NCKAP5: variants seen among roughly 807,000 people sequenced by gnomAD.
NCKAP5 encodes nck-associated protein 5.
A neutral mutation model predicts 167.0 loss-of-function variants in NCKAP5; 92 were observed. The ratio of observed to expected loss-of-function variants is 0.55; its 90% CI spans 0.47 to 0.66. The LOEUF is 0.66. NCKAP5 is among the 30% of genes least tolerant of loss of function. NCKAP5 has a pLI of 0.00. For synonymous variants in NCKAP5, 891 were observed against 877.4 expected, an observed-to-expected ratio of 1.02 and a Z score of -0.27; for missense variants, 2,378 against 2,315.0, an observed-to-expected ratio of 1.03 and a Z score of -0.56.
At chr2:133,476,468 C>T (rs967383016) in intron 3 of NCKAP5, among the ~76,000 whole-genome samples, 10 of 152,180 alleles carry the variant, frequency 6.6e-5, no homozygotes, top group Admixed American at 2.6e-4. Context: ...TTAAAGCTGC[C>T]GATTCTGCTG....
chr2:133,354,454 C>A (rs1684575005), intron 3 of NCKAP5, among the ~76,000 whole-genome samples: 1 of 151,996 alleles, frequency 6.6e-6, no homozygotes, highest in South Asian at 2.1e-4. Context: ...TACAGGGTTC[C>A]CTGTTGTTAT....
the NCKAP5 span, among the ~76,000 whole-genome samples, chr2:133,654,397 T>G: frequency 4.8e-4 from 73 of 151,338 alleles, no homozygotes; most frequent in African/African-American, 1.4e-3. Context: ...AATAAATAAA[T>G]AAATAAATAA....
chr2:133,287,645 C>A (rs1219145192), intron 4 of NCKAP5, among the ~76,000 whole-genome samples: 1 of 152,146 alleles, frequency 6.6e-6, no homozygotes, highest in Non-Finnish European at 1.5e-5. Context: ...TTTGTAGAGT[C>A]AATACTAAGG....
intron 3 of NCKAP5, among the ~76,000 whole-genome samples, chr2:133,331,396 C>G (rs1682845821): frequency 6.6e-6 from 1 of 152,152 alleles, no homozygotes; most frequent in Non-Finnish European, 1.5e-5. Context: ...TGTCAATTAG[C>G]ATTTTCATCT....
intron 3 of NCKAP5, among the ~76,000 whole-genome samples, chr2:133,483,255 G>C (rs1041384123): frequency 2.0e-5 from 3 of 152,110 alleles, no homozygotes; most frequent in African/African-American, 4.8e-5. Flanking sequence ...TGGTGCATCT[G>C]GTCCTTGTTA....
intron 6 of NCKAP5, among the ~76,000 whole-genome samples, chr2:133,061,548 A>G (rs1280143436): frequency 6.6e-6 from 1 of 152,216 alleles, no homozygotes; most frequent in Non-Finnish European, 1.5e-5. Context: ...CTGAGATTCA[A>G]AGAAGGGAGT....
At chr2:132,932,375 T>C (rs554732525) in intron 8 of NCKAP5, among the ~76,000 whole-genome samples, 1 of 152,184 alleles carries the variant, frequency 6.6e-6, no homozygotes, top group South Asian at 2.1e-4. Flanking sequence ...TAGCGAAAGT[T>C]CCCCTAATTG....
chr2:132,998,808 G>A (rs1169425780), intron 6 of NCKAP5, among the ~76,000 whole-genome samples: 3 of 152,086 alleles, frequency 2.0e-5, no homozygotes, highest in East Asian at 1.9e-4. Flanking sequence ...TAAGAAATAA[G>A]CCAATTCCTC....
chr2:133,256,056 C>T (rs1199852577), intron 4 of NCKAP5, among the ~76,000 whole-genome samples: 2 of 151,616 alleles, frequency 1.3e-5, no homozygotes, highest in African/African-American at 2.4e-5. Flanking sequence ...TAATTAAACC[C>T]GAAAAAAGCA....
In NCKAP5 at chr2:132,782,934, C is replaced by T. The variant is rs766586195; in HGVS notation, c.3877G>A (p.Gly1293Arg). Residue 1293 changes from glycine to arginine, a missense_variant, in exon 14 of 20, where the codon GGG becomes AGG. Physicochemically the swap from Gly to Arg is moderately radical, Grantham distance 125. Transcript: ENST00000409261. Reference sequence around the variant, plus strand: ...ATCTGAGTGCGGACTTTGCCTGACCCTTCGATGGGGGGCGTAGAAGGCTTG... The same window carrying T: ...ATCTGAGTGCGGACTTTGCCTGACCTTTCGATGGGGGGCGTAGAAGGCTTG... ...GDKPSTPPIE[G>R]SGKVRTQIIT... 5 of 1,613,870 alleles carry T rather than the reference C, an allele frequency of 3.1e-6. No individual in the cohort carries two copies. The Admixed American group carries it at 5.0e-5, about 16-fold the overall frequency.
intron 3 of NCKAP5, among the ~76,000 whole-genome samples, chr2:133,390,476 T>C (rs1046840974): frequency 1.3e-5 from 2 of 152,204 alleles, no homozygotes; most frequent in African/African-American, 4.8e-5. Context: ...TCCTCAGATC[T>C]AATGCTTTCC....
chr2:133,031,672 C>T (rs114129114), intron 6 of NCKAP5, among the ~76,000 whole-genome samples: 4,750 of 152,170 alleles, frequency 0.031, 217 homozygotes, highest in African/African-American at 0.11. Flanking sequence ...TCCCCTACCC[C>T]AGCTGCACAG....
chr2:133,483,057 G>C (rs1040731120), intron 3 of NCKAP5, among the ~76,000 whole-genome samples: 2 of 152,124 alleles, frequency 1.3e-5, no homozygotes, highest in African/African-American at 4.8e-5. Context: ...CTGAGTTCAA[G>C]TATTTTTAAC....
At chr2:133,402,808 C>T (rs1180542561) in intron 3 of NCKAP5, among the ~76,000 whole-genome samples, 5 of 152,046 alleles carry the variant, frequency 3.3e-5, no homozygotes, top group Admixed American at 2.6e-4. Context: ...CTGTACAGCC[C>T]GCAGAACTGT....
At chr2:133,329,911 G>GT (rs1559388752) in intron 3 of NCKAP5, among the ~76,000 whole-genome samples, 1 of 152,000 alleles carries the variant, frequency 6.6e-6, no homozygotes, top group African/African-American at 2.4e-5. Flanking sequence ...AGGAATCTGA[G>GT]TTTTTTAAAG....
At position 133,151,987 on chromosome 2, in the gene NCKAP5, C is replaced by T. The variant is rs183597716; in HGVS notation, c.208-21876G>A. Among the ~76,000 whole-genome samples the T allele has an allele frequency of 1.7e-3, 255 of 152,134 alleles. 1 individual carries two copies. Among genetic ancestry groups the T allele is most frequent in the South Asian group, 0.014 (68 of 4,814 alleles). On this transcript the variant is annotated intron_variant, in intron 5 of 19. Coordinates refer to ENST00000409261, the MANE Select transcript of NCKAP5 (RefSeq NM_207363.3). ...ACCTGCACATGAATGTTCATAGCAGCCATGTTCATAATTGCAGAAACTTGA... is the reference window on the plus strand; with the variant it reads ...ACCTGCACATGAATGTTCATAGCAGTCATGTTCATAATTGCAGAAACTTGA...
intron 5 of NCKAP5, among the ~76,000 whole-genome samples, chr2:133,203,929 T>A (rs927733428): frequency 6.6e-6 from 1 of 152,198 alleles, no homozygotes; most frequent in Non-Finnish European, 1.5e-5. Context: ...TCTTTACAAG[T>A]GTTTTATCTG....
At chr2:133,070,251 A>C (rs968030255) in intron 6 of NCKAP5, among the ~76,000 whole-genome samples, 1 of 152,224 alleles carries the variant, frequency 6.6e-6, no homozygotes, top group Non-Finnish European at 1.5e-5. Flanking sequence ...ATAATTACCC[A>C]GTAAGGATAA....
chr2:133,391,791 G>A (rs1015931501), intron 3 of NCKAP5, among the ~76,000 whole-genome samples: 34 of 152,112 alleles, frequency 2.2e-4, no homozygotes, highest in Middle Eastern at 6.8e-3. Flanking sequence ...CTGTCTCAAG[G>A]GAAAATGGAA....
Sources: gnomAD v4.1 joint callset for allele counts (sites outside exome capture counted in the v4.1 genomes callset) on GRCh38, gnomAD v4.1.1 for gene constraint, MANE v1.5 for transcripts, NCBI Gene and HGNC (gene_info 2026-07-23, HGNC 2026-07-21) for gene names.